Variants in PPP1R12C observed in about 807,000 individuals in gnomAD.
PPP1R12C encodes protein phosphatase 1 regulatory subunit 12C, also known as leukocyte receptor cluster (LRC) encoded novel gene 3.
A neutral mutation model predicts 95.6 loss-of-function variants in PPP1R12C; 48 were observed. The observed-to-expected ratio is 0.50, with a 90% confidence interval of 0.40 to 0.64. The LOEUF (loss-of-function observed/expected upper bound fraction) is 0.64, where lower values mean the gene tolerates loss of function less well. PPP1R12C is among the 30% of genes least tolerant of loss of function. The pLI is 0.00. For missense variants in PPP1R12C, 1,057 were observed against 1,083.3 expected (o/e 0.98, Z 0.34); for synonymous variants, 480 against 460.8 (o/e 1.04, Z -0.53).
Position 55,117,326 on chromosome 19 carries a change from G to A in PPP1R12C, c.218C>T (p.Ala73Val), listed in dbSNP as rs1370607658. Residue 73 changes from alanine to valine, a missense_variant, in exon 1 of 22, where the codon GCC (alanine) becomes GTC (valine). Physicochemically the swap from Ala to Val is moderately conservative, Grantham distance 64. This residue lies in a region of PPP1R12C where 282 missense variants were observed against 380.4 expected (regional missense o/e 0.74). Transcript: ENST00000263433. ...CTCGGCGCCGGGGCCAGGGTCGGCG[G>A]CGCGCAGCATCAGACGCGCCTCGTC... ...DLDEARLMLR[A>V]ADPGPGAELD... is the part of the protein sequence containing the mutation. 1 of 1,178,038 alleles carries A rather than the reference G, an allele frequency of 8.5e-7. No homozygotes were observed. Among genetic ancestry groups the A allele is most frequent in the African/African-American group, 1.6e-5 (1 of 62,018 alleles). 73.0% of individuals were successfully genotyped at this position (1,178,038 alleles called of 1,614,324 possible). A position where few individuals can be genotyped will look rare whatever the true frequency, so the allele number is the denominator to read the frequency against.
chr19:55,094,430 T>C lies in PPP1R12C; in HGVS notation c.1598A>G (p.Tyr533Cys). The C allele has an allele frequency of 1.2e-6, 2 of 1,613,684 alleles. No individual in the cohort carries two copies. The highest frequency in any genetic ancestry group is 8.5e-7 in the Non-Finnish European group (1 of 1,180,014). Residue 533 changes from tyrosine (Y) to cysteine (C), a missense_variant, in exon 13 of 22, where the codon TAC (tyrosine) becomes TGC (cysteine). Tyr to Cys is a radical substitution (Grantham distance 194). This residue lies in a region of PPP1R12C where 356 missense variants were observed against 330.5 expected (regional missense o/e 1.08). Transcript: ENST00000263433. ...CTCCTCATCCCGCACAGGCATCTGG[T>C]AGGACCTGAGGGAAGGGTCCCAACC... The part of the protein sequence containing the change: ...PADSRDRRRS[Y>C]QMPVRDEESE...
At chr19:55,107,505 T>C (rs1012326292) in intron 3 of PPP1R12C, among the ~76,000 whole-genome samples, 3 of 152,098 alleles carry the variant, frequency 2.0e-5, no homozygotes, top group Non-Finnish European at 4.4e-5. Flanking sequence ...ATATACACCA[T>C]GGAATACTAT....
rs117031942 is a variant in PPP1R12C, at chr19:55,102,827, A to T, written c.731+582T>A. 2.7e-3 allele frequency among the ~76,000 whole-genome samples: 415 copies of T among 152,364 alleles called. 3 individuals are homozygous for T. The East Asian group carries it at 0.038, about 14-fold the overall frequency. On this transcript the variant is annotated intron_variant, in intron 4 of 21. Coordinates refer to ENST00000263433, the MANE Select transcript of PPP1R12C (RefSeq NM_017607.4). ...TAAAACGATACATTTCAAAAGCTAG[A>T]ATCATATGGAACCCATTCTCTGACC...
At chr19:55,113,212 C>T (rs888227255) in intron 1 of PPP1R12C, 4 of 514,954 alleles carry the variant, frequency 7.8e-6, no homozygotes, top group Non-Finnish European at 1.3e-5. Context: ...CCCCCAGCCC[C>T]TCCTGCCTTA....
At chr19:55,100,952 T>C (rs757011387) in intron 4 of PPP1R12C, among the ~76,000 whole-genome samples, 2 of 152,120 alleles carry the variant, frequency 1.3e-5, no homozygotes, top group Non-Finnish European at 1.5e-5. Flanking sequence ...GTTACATTAT[T>C]TTAAAAATGC....
intron 21 of PPP1R12C, 25 bp from the exon 22 acceptor site, chr19:55,091,583 G>C (rs1279548223): frequency 1.2e-6 from 2 of 1,611,940 alleles, no homozygotes; most frequent in Non-Finnish European, 1.7e-6. Context: ...GGGTCAGCTG[G>C]GCAGCCCTGG....
At position 55,117,352 on chromosome 19, in the gene PPP1R12C, C is replaced by T. The variant is rs2085166139; in HGVS notation, c.192G>A (p.Leu64=). 6 of 1,135,162 alleles carry T rather than the reference C, an allele frequency of 5.3e-6. No homozygotes were observed. The highest frequency in any genetic ancestry group is 1.1e-6 in the Non-Finnish European group (1 of 926,984). 70.3% of individuals were successfully genotyped at this position (1,135,162 alleles called of 1,614,324 possible). A position where few individuals can be genotyped will look rare whatever the true frequency, so the allele number is the denominator to read the frequency against. The part of the protein sequence containing the change: ...EFLAACAGGD[L]DEARLMLRAA... ...CGCGCAGCATCAGACGCGCCTCGTC[C>T]AGGTCGCCGCCCGCACAGGCCGCCA... The change falls in exon 1 of 22, where the codon CTG becomes CTA. Residue 64 remains leucine (L), a synonymous_variant. Coordinates refer to ENST00000263433, the MANE Select transcript of PPP1R12C (RefSeq NM_017607.4).
At chr19:55,113,012 A>G in intron 1 of PPP1R12C, 1 of 617,512 alleles carries the variant, frequency 1.6e-6, no homozygotes, top group East Asian at 2.8e-5. Context: ...GAAACCACGA[A>G]AGGACTCCTG....
chr19:55,092,205 G>A lies in PPP1R12C; in HGVS notation c.2160+17C>T, dbSNP rs753896018. Reference sequence around the variant, plus strand: ...CGGCCCTGCCAGTTCCCGTGACCCTGGCCTCGGCGCCCTTACCTGCGTGGC... The same window carrying A: ...CGGCCCTGCCAGTTCCCGTGACCCTAGCCTCGGCGCCCTTACCTGCGTGGC... On this transcript the variant is annotated intron_variant, in intron 19 of 21. Coordinates refer to ENST00000263433, the MANE Select transcript of PPP1R12C (RefSeq NM_017607.4). 1.5e-5 allele frequency: 23 copies of A among 1,547,268 alleles called. No individual in the cohort carries two copies. In the East Asian group the frequency reaches 5.1e-4, roughly 34 times the overall value.
intron 3 of PPP1R12C, among the ~76,000 whole-genome samples, chr19:55,108,747 C>T (rs1175481142): frequency 6.6e-6 from 1 of 152,184 alleles, no homozygotes; most frequent in Non-Finnish European, 1.5e-5. Flanking sequence ...CCTCTTGTTG[C>T]TCAGGCTAGA....
chr19:55,112,022 C>T (rs2085100714), intron 3 of PPP1R12C: 1 of 158,606 alleles, frequency 6.3e-6, no homozygotes, highest in African/African-American at 2.4e-5. Context: ...CATATGAAGG[C>T]TCCTGGGGTA....
Position 55,096,164 on chromosome 19 carries a change from C to A in PPP1R12C, c.1040G>T (p.Arg347Leu), listed in dbSNP as rs1247480692. 6.2e-7 allele frequency: 1 copy of A among 1,605,456 alleles called. No individual in the cohort carries two copies. ...SSKHRRSSVC[R>L]LSSREKISLQ... ...GGAAATCTTCTCGCGACTGCTCAGACGACACACAGAGCTCCTGTTGGGGAA... is the reference window on the plus strand; with the variant it reads ...GGAAATCTTCTCGCGACTGCTCAGAAGACACACAGAGCTCCTGTTGGGGAA... Residue 347 changes from arginine (R) to leucine (L), a missense_variant, in exon 8 of 22, where the codon CGT becomes CTT. Arg to Leu is a moderately radical substitution (Grantham distance 102). This residue lies in a region of PPP1R12C where 356 missense variants were observed against 330.5 expected (regional missense o/e 1.08). Coordinates refer to ENST00000263433, the MANE Select transcript of PPP1R12C (RefSeq NM_017607.4).
intron 1 of PPP1R12C, among the ~76,000 whole-genome samples, chr19:55,116,242 G>T (rs1167118475): frequency 6.6e-6 from 1 of 152,192 alleles, no homozygotes; most frequent in Non-Finnish European, 1.5e-5. Flanking sequence ...GATGGCACAG[G>T]CCCCAGAAGG....
intron 4 of PPP1R12C, among the ~76,000 whole-genome samples, chr19:55,103,161 T>A (rs2084996831): frequency 6.6e-6 from 1 of 152,100 alleles, no homozygotes; most frequent in African/African-American, 2.4e-5. Flanking sequence ...GCCACTGCAC[T>A]CCAGCCTGGG....
intron 3 of PPP1R12C, 163 bp downstream of exon 3, chr19:55,112,304 C>A: frequency 4.7e-6 from 3 of 633,866 alleles, no homozygotes; most frequent in Middle Eastern, 4.4e-4. Context: ...TGGAGGCAGG[C>A]CCCTACACCC....
chr19:55,112,833 A>C, intron 1 of PPP1R12C, 38 bp from the exon 2 acceptor site: 1 of 1,607,318 alleles, frequency 6.2e-7, no homozygotes, highest in Non-Finnish European at 8.5e-7. Flanking sequence ...CACCTACCCC[A>C]GCCACGGTGT....
At chr19:55,101,233 C>A (rs12982699) in intron 4 of PPP1R12C, among the ~76,000 whole-genome samples, 1 of 151,904 alleles carries the variant, frequency 6.6e-6, no homozygotes, top group African/African-American at 2.4e-5. Flanking sequence ...GGCAACAGAG[C>A]GAGACTCCAT....
intron 9 of PPP1R12C, 121 bp from the exon 10 acceptor site, chr19:55,095,724 C>A (rs904146149): frequency 2.6e-6 from 4 of 1,520,618 alleles, no homozygotes; most frequent in Non-Finnish European, 2.7e-6. Flanking sequence ...CAGGCACAGC[C>A]TAAAAAGGAA....
intron 6 of PPP1R12C, among the ~76,000 whole-genome samples, chr19:55,097,524 G>A (rs1012594721): frequency 1.1e-4 from 2 of 18,700 alleles, no homozygotes; most frequent in African/African-American, 2.6e-4. Context: ...CGCACAGTTC[G>A]CAGTTCACCA....
Sources: gnomAD v4.1 joint callset for allele counts (sites outside exome capture counted in the v4.1 genomes callset) on GRCh38, gnomAD v4.1.1 for gene constraint, gnomAD v4.1.1 regional missense constraint, MANE v1.5 for transcripts, NCBI Gene and HGNC (gene_info 2026-07-23, HGNC 2026-07-21) for gene names.